ACOT7: variants seen among roughly 807,000 people sequenced by gnomAD.
The protein encoded by ACOT7 is cytosolic acyl coenzyme A thioester hydrolase.
In ACOT7, 12 loss-of-function variants were observed where a neutral mutation model predicts 40.2. The ratio of observed to expected loss-of-function variants is 0.30; its 90% CI spans 0.19 to 0.48. The LOEUF (loss-of-function observed/expected upper bound fraction) is 0.48. Among genes scored for constraint, ACOT7 ranks in the 20% least tolerant of loss-of-function variants. The probability of loss-of-function intolerance (pLI) is 0.99; values close to 1 mark genes in which losing one functional copy is unlikely to be tolerated. For synonymous variants in ACOT7, 228 were observed against 219.5 expected, an observed-to-expected ratio of 1.04 and a Z score of -0.34; for missense variants, 395 against 530.8, an observed-to-expected ratio of 0.74 and a Z score of 2.51.
intron 5 of ACOT7, among the ~76,000 whole-genome samples, chr1:6,320,284 C>G (rs1270758673): frequency 1.3e-5 from 2 of 152,200 alleles, no homozygotes; most frequent in African/African-American, 2.4e-5. Flanking sequence ...CCACTGCTAT[C>G]CTGGGGGCCT....
intron 6 of ACOT7, 152 bp downstream of exon 6, chr1:6,318,340 G>T: frequency 1.2e-6 from 1 of 821,602 alleles, no homozygotes; most frequent in Non-Finnish European, 1.9e-6. Context: ...ACAGGCATGT[G>T]CCACTGCACC....
chr1:6,291,508 T>A (rs1557634671), intron 7 of ACOT7, among the ~76,000 whole-genome samples: 3 of 152,194 alleles, frequency 2.0e-5, no homozygotes, highest in Non-Finnish European at 4.4e-5. Flanking sequence ...GGCGAACAGA[T>A]GTCTGTTGTT....
intron 2 of ACOT7, among the ~76,000 whole-genome samples, chr1:6,343,382 G>C (rs1641328102): frequency 6.6e-6 from 1 of 152,240 alleles, no homozygotes; most frequent in South Asian, 2.1e-4. Context: ...CTCTGTCTGA[G>C]CCCTTTCCCA....
intron 6 of ACOT7, among the ~76,000 whole-genome samples, chr1:6,300,618 G>A (rs1255270577): frequency 1.6e-5 from 2 of 125,316 alleles, no homozygotes; most frequent in Admixed American, 8.5e-5. Context: ...GACCCCACCC[G>A]ATCCTGACGC....
At chr1:6,276,464 G>A (rs115099567) in intron 8 of ACOT7, among the ~76,000 whole-genome samples, 1,655 of 152,078 alleles carry the variant, frequency 0.011, 28 homozygotes, top group African/African-American at 0.037. Context: ...CGGAGCGGGT[G>A]CGGCAGCCCC....
chr1:6,266,492 CTGGGAG>C (rs1638854593), intron 8 of ACOT7, among the ~76,000 whole-genome samples: 2 of 152,276 alleles, frequency 1.3e-5, no homozygotes, highest in Non-Finnish European at 2.9e-5. Context: ...TCCAGTGGGT[CTGGGAG>C]CTGAGACTCA....
intron 1 of ACOT7, among the ~76,000 whole-genome samples, chr1:6,384,814 A>C (rs116126388): frequency 0.011 from 1,717 of 151,878 alleles, 35 homozygotes; most frequent in African/African-American, 0.039. Context: ...AGGAGAACAA[A>C]AAATCCTCCT....
chr1:6,380,059 A>G (rs934543731), intron 1 of ACOT7, among the ~76,000 whole-genome samples: 3 of 151,322 alleles, frequency 2.0e-5, no homozygotes, highest in African/African-American at 2.4e-5. Flanking sequence ...CAGCAAAGAA[A>G]AAGTAAAAAG....
chr1:6,377,925 C>G (rs1642263693), intron 1 of ACOT7, among the ~76,000 whole-genome samples: 1 of 152,090 alleles, frequency 6.6e-6, no homozygotes, highest in Non-Finnish European at 1.5e-5. Flanking sequence ...AAAAAATTAG[C>G]CAGGTGTGGT....
intron 1 of ACOT7, among the ~76,000 whole-genome samples, chr1:6,382,754 C>T (rs192348520): frequency 6.6e-6 from 1 of 151,670 alleles, no homozygotes; most frequent in Admixed American, 6.6e-5. Flanking sequence ...GCTCAGTGAC[C>T]GAGACTGCAC....
chr1:6,294,937 A>T lies in ACOT7; in HGVS notation c.756T>A (p.Ala252=), dbSNP rs768176924. The part of the protein sequence containing the change: ...KLMDEVAGIV[A]ARHCKTNIVT... ...CGATGTTGGTCTTGCAGTGGCGTGCAGCCACGATCCCGGCGACCTCATCCA... is the reference window on the plus strand; with the variant it reads ...CGATGTTGGTCTTGCAGTGGCGTGCTGCCACGATCCCGGCGACCTCATCCA... The change falls in exon 7 of 9, where the codon GCT becomes GCA. Residue 252 remains alanine (A), a synonymous_variant. Coordinates refer to ENST00000361521, the MANE Select transcript of ACOT7 (RefSeq NM_007274.4). This position sits in a 1 kb window ranked among gnomAD's most constrained non-coding sequence, Gnocchi z 4.6. 1.9e-6 allele frequency: 3 copies of T among 1,614,032 alleles called. No individual in the cohort carries two copies. Among genetic ancestry groups the T allele is most frequent in the South Asian group, 1.1e-5 (1 of 91,090 alleles).
intron 8 of ACOT7, among the ~76,000 whole-genome samples, chr1:6,264,908 A>C (rs12061848): frequency 0.053 from 8,065 of 152,148 alleles, 369 homozygotes; most frequent in African/African-American, 0.12. Context: ...GGGCCTATTG[A>C]CTGGGCTGGG....
chr1:6,365,919 C>T (rs551207589), intron 1 of ACOT7, among the ~76,000 whole-genome samples: 5 of 149,642 alleles, frequency 3.3e-5, no homozygotes, highest in African/African-American at 9.9e-5. Context: ...TTTTTTGAGA[C>T]AGTCTCATTC....
At chr1:6,285,203 G>T (rs1214277646) in intron 7 of ACOT7, among the ~76,000 whole-genome samples, 1 of 152,288 alleles carries the variant, frequency 6.6e-6, no homozygotes, top group East Asian at 1.9e-4. Flanking sequence ...TGGACACCAG[G>T]TCACCACAGA....
chr1:6,374,969 A>G (rs1370420112), intron 1 of ACOT7, among the ~76,000 whole-genome samples: 1 of 152,196 alleles, frequency 6.6e-6, no homozygotes, highest in Non-Finnish European at 1.5e-5. Flanking sequence ...CAGCTCTGAG[A>G]AAGACACTGT....
At chr1:6,360,044 T>C (rs1374685104) in intron 1 of ACOT7, among the ~76,000 whole-genome samples, 1 of 152,194 alleles carries the variant, frequency 6.6e-6, no homozygotes, top group Non-Finnish European at 1.5e-5. Context: ...AATAGGTAAA[T>C]TATTACTAAA....
intron 5 of ACOT7, among the ~76,000 whole-genome samples, chr1:6,326,446 A>T (rs759627849): frequency 6.6e-6 from 1 of 152,224 alleles, no homozygotes; most frequent in African/African-American, 2.4e-5. Context: ...CCCTGACATG[A>T]GAGCAAGAGG....
At chr1:6,273,221 G>A (rs1639086452) in intron 8 of ACOT7, among the ~76,000 whole-genome samples, 1 of 152,240 alleles carries the variant, frequency 6.6e-6, no homozygotes. Context: ...AACATGAAAG[G>A]TGGCTGGAGA....
At chr1:6,310,451 G>T (rs1640300100) in intron 6 of ACOT7, among the ~76,000 whole-genome samples, 1 of 152,234 alleles carries the variant, frequency 6.6e-6, no homozygotes, top group Admixed American at 6.5e-5. Context: ...AAGCATAATG[G>T]CCTGAAATCC....
Sources: allele counts gnomAD v4.1 joint callset (sites outside exome capture counted in the v4.1 genomes callset), GRCh38; gene constraint gnomAD v4.1.1; non-coding constraint Gnocchi (gnomAD v3.1); transcripts MANE v1.5; gene names NCBI Gene and HGNC (gene_info 2026-07-23, HGNC 2026-07-21).